The following DNAH1 variants were observed in gnomAD, a reference collection of about 807,000 sequenced individuals.
DNAH1 encodes the protein dynein axonemal heavy chain 1, also known as axonemal beta dynein heavy chain 1.
Under a neutral mutation model 484.3 loss-of-function variants are expected in DNAH1, and 327 were observed. That is an observed-to-expected ratio of 0.68 (90% CI 0.62 to 0.74). The LOEUF (loss-of-function observed/expected upper bound fraction) is 0.74. Among genes scored for constraint, DNAH1 ranks in the 30% least tolerant of loss-of-function variants. The pLI is 0.00. For synonymous variants in DNAH1, 2,192 were observed against 2,191.9 expected (o/e 1.00, Z 0.00); for missense variants, 5,052 against 5,546.8 (o/e 0.91, Z 2.83).
intron 77 of DNAH1, 142 bp from the exon 78 acceptor site, chr3:52,400,182 AC>A: frequency 2.7e-6 from 3 of 1,131,434 alleles, no homozygotes; most frequent in Non-Finnish European, 2.6e-6. Context: ...CCCTGGCCAG[AC>A]CCCCTCATCA....
Position 52,395,710 on chromosome 3 carries a change from G to C in DNAH1, c.11259+32G>C. 6.2e-7 allele frequency: 1 copy of C among 1,603,688 alleles called. No homozygotes were observed. The highest frequency in any genetic ancestry group is 8.5e-7 in the Non-Finnish European group (1 of 1,174,628). On this transcript the variant is annotated intron_variant, in intron 70 of 77. Transcript: ENST00000420323. The surrounding 1 kb of genome is among the most constrained non-coding windows in gnomAD (Gnocchi z 4.4). ...TGCCCTGCCCATCACAGACCCAGTGGGGCCGCCTCTGCATCCATCAGGGAC... is the reference window on the plus strand; with the variant it reads ...TGCCCTGCCCATCACAGACCCAGTGCGGCCGCCTCTGCATCCATCAGGGAC...
intron 8 of DNAH1, among the ~76,000 whole-genome samples, chr3:52,343,498 T>G (rs545314033): frequency 1.3e-5 from 2 of 152,024 alleles, no homozygotes; most frequent in Admixed American, 1.3e-4. Context: ...TGTCTGTGAG[T>G]TGGCAGAGAA....
chr3:52,350,708 C>T (rs1702340363), intron 16 of DNAH1, 118 bp downstream of exon 16: 2 of 962,458 alleles, frequency 2.1e-6, no homozygotes, highest in Non-Finnish European at 3.2e-6. Context: ...CCCAGAAACA[C>T]CCCACTGAGA....
Position 52,393,492 on chromosome 3 carries a change from G to T in DNAH1, c.10626+7G>T. Reference sequence around the variant, plus strand: ...CGAGGGCAAAATCAACCAGGTGCTGGCAGAGACACCCAGGACAGACTGCCT... The same window carrying T: ...CGAGGGCAAAATCAACCAGGTGCTGTCAGAGACACCCAGGACAGACTGCCT... On this transcript the variant is annotated splice_region_variant and intron_variant, in intron 66 of 77. Coordinates refer to ENST00000420323, the MANE Select transcript of DNAH1 (RefSeq NM_015512.5). 6.2e-7 allele frequency: 1 copy of T among 1,613,938 alleles called. No individual in the cohort carries two copies.
intron 59 of DNAH1, among the ~76,000 whole-genome samples, 172 bp downstream of exon 59, chr3:52,389,109 G>A (rs903797874): frequency 8.5e-5 from 13 of 152,342 alleles, no homozygotes; most frequent in Non-Finnish European, 1.5e-4. Flanking sequence ...AAAGCACTGG[G>A]GATACAGCAG....
rs1704435869 is a variant in DNAH1, at chr3:52,392,582, G to A, written c.10171G>A (p.Glu3391Lys). The change falls in exon 64 of 78, where the codon GAG becomes AAG. Residue 3391 changes from glutamate to lysine, a missense_variant. Glu to Lys is a moderately conservative substitution (Grantham distance 56, BLOSUM62 1). Transcript: ENST00000420323. ...AKMRQELKDI[E>K]DQILYRLSSS... ...GATGCGCCAGGAGCTGAAGGACATT[G>A]AGGACCAGATCCTGTACCGGCTCAG... The A allele has an allele frequency of 1.2e-6, 2 of 1,613,834 alleles. No homozygotes were observed. The highest frequency in any genetic ancestry group is 3.3e-5 in the Admixed American group (2 of 60,004).
rs1485162178 is a variant in DNAH1 at position 52,392,555 on chromosome 3, A to G, written c.10144A>G (p.Lys3382Glu). 5.6e-6 allele frequency: 9 copies of G among 1,613,830 alleles called. No individual in the cohort carries two copies. Among genetic ancestry groups the G allele is most frequent in the Non-Finnish European group, 7.6e-6 (9 of 1,179,886 alleles). Residue 3382 changes from lysine to glutamate, a missense_variant, in exon 64 of 78, where the codon AAG becomes GAG. This residue lies in a region of DNAH1 where 2,929 missense variants were observed against 3,409.4 expected (regional missense o/e 0.86). Coordinates refer to ENST00000420323, the MANE Select transcript of DNAH1 (RefSeq NM_015512.5). ...AKNQLIISNAKMRQELKDIED... is the reference protein window; with the variant it reads ...AKNQLIISNAEMRQELKDIED... Reference sequence around the variant, plus strand: ...GAACCAGCTGATTATCAGTAATGCCAAGATGCGCCAGGAGCTGAAGGACAT... The same window carrying G: ...GAACCAGCTGATTATCAGTAATGCCGAGATGCGCCAGGAGCTGAAGGACAT...
At position 52,386,304 on chromosome 3, in the gene DNAH1, C is replaced by G. The variant is rs1704106982; in HGVS notation, c.8770C>G (p.Leu2924Val). The G allele has an allele frequency of 6.3e-7, 1 of 1,598,862 alleles. No individual in the cohort carries two copies. The highest frequency in any genetic ancestry group is 1.7e-5 in the Admixed American group (1 of 57,508). Residue 2924 changes from leucine to valine, a missense_variant, in exon 55 of 78, where the codon CTG (leucine) becomes GTG (valine). By Grantham distance (32) the Leu-to-Val change is conservative. Around this residue, in one of 4 missense-constraint regions of DNAH1, gnomAD observed 2,929 missense variants for 3,409.4 expected, o/e 0.86. Transcript: ENST00000420323. ...DEALPALDAA[L>V]ASLRNLNKND... Reference sequence around the variant, plus strand: ...GGCGTTGCCAGCCCTGGATGCGGCTCTGGCCAGCCTGCGCAACCTCAACAA... The same window carrying G: ...GGCGTTGCCAGCCCTGGATGCGGCTGTGGCCAGCCTGCGCAACCTCAACAA...
chr3:52,370,943 C>A, intron 41 of DNAH1, 118 bp downstream of exon 41: 1 of 964,236 alleles, frequency 1.0e-6, no homozygotes, highest in Non-Finnish European at 1.6e-6. Context: ...AGGTCTCAGG[C>A]AGCGGTTATT....
chr3:52,397,712 C>T lies in DNAH1; in HGVS notation c.11793C>T (p.Tyr3931=). 6.2e-7 allele frequency: 1 copy of T among 1,605,788 alleles called. No homozygotes were observed. Among genetic ancestry groups the T allele is most frequent in the Non-Finnish European group, 8.5e-7 (1 of 1,175,748 alleles). The stretch of plus-strand genomic sequence containing the variant: ...GTTGGCCTCCTCTCTCCTAGGGCTA[C>T]CTCTCCTACATCAAGAGCCTCCCAC... The part of the protein sequence containing the change: ...QIPPTYDLHG[Y]LSYIKSLPLN... The change falls in exon 74 of 78, where the codon TAC becomes TAT. Residue 3931 remains tyrosine (Y), a synonymous_variant. Coordinates refer to ENST00000420323, the MANE Select transcript of DNAH1 (RefSeq NM_015512.5).
In DNAH1 at chr3:52,388,850, G is replaced by A. The variant is rs774657348; in HGVS notation, c.9408G>A (p.Thr3136=). Reference sequence around the variant, plus strand: ...ATGAGAAGGTGCGCTGGCAGGAGACGGTGGAGAACCTGCAGTACATGCTCA... The same window carrying A: ...ATGAGAAGGTGCGCTGGCAGGAGACAGTGGAGAACCTGCAGTACATGCTCA... ...LSDEKVRWQE[T]VENLQYMLNN... is the part of the protein sequence containing the mutation. The change falls in exon 59 of 78, where the codon ACG becomes ACA. Residue 3136 remains threonine, a synonymous_variant. Transcript: ENST00000420323. 2.5e-5 allele frequency: 41 copies of A among 1,613,626 alleles called. No homozygotes were observed. Among genetic ancestry groups the A allele is most frequent in the African/African-American group, 2.7e-5 (2 of 74,922 alleles).
In DNAH1 at chr3:52,369,945, T is replaced by C; in HGVS notation, c.6064T>C (p.Trp2022Arg). 1 of 1,613,972 alleles carries C rather than the reference T, an allele frequency of 6.2e-7. No individual in the cohort carries two copies. The change falls in exon 38 of 78, where the codon TGG becomes CGG. Residue 2022 changes from tryptophan (W) to arginine (R), a missense_variant. This residue lies in a region of DNAH1 where 2,929 missense variants were observed against 3,409.4 expected (regional missense o/e 0.86). Transcript: ENST00000420323. ...ILGLMPFIEC[W>R]LRKLPPLLKP... ...GGGGCTCATGCCCTTCATCGAGTGC[T>C]GGCTGAGGAAGCTGCCTCCCTTGCT... is the stretch of plus-strand genomic sequence containing the variant.
At chr3:52,375,678 G>A (rs1703558926) in intron 45 of DNAH1, among the ~76,000 whole-genome samples, 1 of 152,188 alleles carries the variant, frequency 6.6e-6, no homozygotes, top group South Asian at 2.1e-4. Flanking sequence ...CTGGCACGTG[G>A]TGATTGCTGG....
intron 8 of DNAH1, among the ~76,000 whole-genome samples, chr3:52,340,372 G>A (rs1701891617): frequency 6.6e-6 from 1 of 151,940 alleles, no homozygotes; most frequent in African/African-American, 2.4e-5. Context: ...ATTAGCCACT[G>A]CGCCCAGCCT....
chr3:52,370,674 C>T (rs1207212476), intron 40 of DNAH1, 39 bp downstream of exon 40: 1 of 1,599,224 alleles, frequency 6.3e-7, no homozygotes, highest in Non-Finnish European at 8.5e-7. Context: ...GAGCCTCAGT[C>T]CTACTGGGCC....
At chr3:52,313,136 A>G (rs1700848363), upstream of DNAH1, among the ~76,000 whole-genome samples, 1 of 152,208 alleles carries the variant, frequency 6.6e-6, no homozygotes, top group African/African-American at 2.4e-5. Context: ...AAAGAGAAAG[A>G]CAGTGGGGTG....
intron 8 of DNAH1, among the ~76,000 whole-genome samples, chr3:52,337,963 T>G (rs1458851718): frequency 6.6e-6 from 1 of 151,804 alleles, no homozygotes; most frequent in African/African-American, 2.4e-5. Context: ...CTTGGTTAAT[T>G]TTTGTATTTT....
chr3:52,388,253 C>T lies in DNAH1; in HGVS notation c.9090C>T (p.Ser3030=), dbSNP rs371348599. ...EFQPATIAKV[S]KACTSICQWV... ...AGCCAGCCACCATTGCCAAGGTGTC[C>T]AAGGCTTGCACCTCCATCTGCCAGT... The change falls in exon 57 of 78, where the codon TCC becomes TCT. Residue 3030 remains serine, a synonymous_variant. Transcript: ENST00000420323. The T allele has an allele frequency of 3.1e-6, 5 of 1,603,932 alleles. No individual in the cohort carries two copies. The African/African-American group carries it at 5.4e-5, about 17-fold the overall frequency.
chr3:52,350,762 G>A (rs760776062), intron 16 of DNAH1, among the ~76,000 whole-genome samples, 172 bp downstream of exon 16: 2 of 152,228 alleles, frequency 1.3e-5, no homozygotes, highest in Non-Finnish European at 2.9e-5. Context: ...ACCAGCCAGG[G>A]CCAGGTGGCC....
Sources: gnomAD v4.1 joint callset for allele counts (sites outside exome capture counted in the v4.1 genomes callset) on GRCh38, gnomAD v4.1.1 for gene constraint, gnomAD v4.1.1 regional missense constraint, Gnocchi (gnomAD v3.1) non-coding constraint, MANE v1.5 for transcripts, NCBI Gene and HGNC (gene_info 2026-07-23, HGNC 2026-07-21) for gene names.